The following MDH2 variants were observed in gnomAD, a reference collection of about 807,000 sequenced individuals.
MDH2 encodes the protein malate dehydrogenase, mitochondrial.
Under a neutral mutation model 33.6 loss-of-function variants are expected in MDH2, and 25 were observed. The ratio of observed to expected loss-of-function variants is 0.74; its 90% CI spans 0.54 to 1.04. MDH2 has a LOEUF of 1.04. Ranked by LOEUF, MDH2 falls within the 50% of genes least tolerant of loss-of-function variation. The pLI, the probability that MDH2 is intolerant of heterozygous loss-of-function variation, is 0.00. For missense variants in MDH2, 432 were observed against 445.0 expected (o/e 0.97, Z 0.26); for synonymous variants, 193 against 188.7 (o/e 1.02, Z -0.19).
intron 7 of MDH2, 81 bp downstream of exon 7, chr7:76,064,519 C>A: frequency 8.0e-7 from 1 of 1,245,788 alleles, no homozygotes; most frequent in Non-Finnish European, 1.1e-6. Context: ...GCTGCTTGTC[C>A]CTGGGCATGG....
intron 1 of MDH2, 83 bp downstream of exon 1, chr7:76,048,309 C>A (rs1797394508): frequency 6.8e-7 from 1 of 1,475,122 alleles, no homozygotes; most frequent in Non-Finnish European, 9.0e-7. Flanking sequence ...CAGCTCTGAC[C>A]CTCTCCAGGC....
At chr7:76,050,066 CTG>C (rs71879549) in intron 1 of MDH2, among the ~76,000 whole-genome samples, 4,582 of 152,120 alleles carry the variant, frequency 0.03, 225 homozygotes, top group African/African-American at 0.1. Flanking sequence ...GAGTCCCACT[CTG>C]TTGCCCAGGA....
chr7:76,054,188 A>G (rs1322368377), intron 1 of MDH2, among the ~76,000 whole-genome samples: 2 of 152,172 alleles, frequency 1.3e-5, no homozygotes, highest in Non-Finnish European at 2.9e-5. Flanking sequence ...CCGAGATGAC[A>G]GATCTGACTC....
intron 5 of MDH2, among the ~76,000 whole-genome samples, chr7:76,061,806 G>A (rs1162766412): frequency 2.0e-5 from 3 of 152,248 alleles, no homozygotes; most frequent in Admixed American, 6.5e-5. Flanking sequence ...GTTCATTCTC[G>A]TGGGCTCTCA....
In MDH2 at chr7:76,058,081, G is replaced by A; in HGVS notation, c.429+3G>A. The stretch of plus-strand genomic sequence containing the variant: ...TGATCTGCGTCATTGCCAATCCGGT[G>A]AGTGTGGCAGCACCCGGCTCTTGCA... On this transcript the variant is annotated splice_donor_region_variant and intron_variant, in intron 4 of 8. Coordinates refer to ENST00000315758, the MANE Select transcript of MDH2 (RefSeq NM_005918.4). 6.2e-7 allele frequency: 1 copy of A among 1,610,524 alleles called. No individual in the cohort carries two copies. The highest frequency in any genetic ancestry group is 8.5e-7 in the Non-Finnish European group (1 of 1,178,562).
chr7:76,063,191 CG>C lies in MDH2; in HGVS notation c.556-316del, dbSNP rs143960842. 4.4e-3 allele frequency among the ~76,000 whole-genome samples: 676 copies of C among 152,020 alleles called. 5 individuals carry two copies. Among genetic ancestry groups the C allele is most frequent in the Middle Eastern group, 0.017 (5 of 294 alleles). ...GCTCTGGGAAAGAGGATGCCAGGCC[CG>C]GGGGGGGCCTCCACAGGAGGCAGCA... On this transcript the variant is annotated intron_variant, in intron 5 of 8. Transcript: ENST00000315758.
intron 4 of MDH2, 97 bp from the exon 5 acceptor site, chr7:76,060,276 C>T: frequency 1.3e-6 from 2 of 1,511,770 alleles, no homozygotes; most frequent in Non-Finnish European, 8.9e-7. Context: ...ACTAGTTAGA[C>T]CTTTGGGAAG....
At chr7:76,062,499 C>T (rs1335738230) in intron 5 of MDH2, among the ~76,000 whole-genome samples, 1 of 152,242 alleles carries the variant, frequency 6.6e-6, no homozygotes, top group African/African-American at 2.4e-5. Context: ...GCTGATCCTC[C>T]CTCTCCCAGA....
At position 76,066,414 on chromosome 7, in the gene MDH2, G is replaced by T. The variant is rs200200341; in HGVS notation, c.*4G>T. The T allele has an allele frequency of 2.8e-4, 448 of 1,602,354 alleles. No homozygotes were observed. The highest frequency in any genetic ancestry group is 3.6e-4 in the Non-Finnish European group (419 of 1,174,798). On this transcript the variant is annotated 3_prime_UTR_variant, in exon 9 of 9. Transcript: ENST00000315758. The stretch of plus-strand genomic sequence containing the variant: ...TTTCGTGAAGACCCTGAAGTGAGCC[G>T]CTGTGACGGGTGGCCAGTTTCCTTA...
rs1261070918 is a variant in MDH2 at position 76,048,740 on chromosome 7, C to T, written c.66+514C>T. ...GCCAGAGGATTAGAATTCAGCGCTT[C>T]TGACCTGAAGACGGCTTCCTCTTAA... On this transcript the variant is annotated intron_variant, in intron 1 of 8. Coordinates refer to ENST00000315758, the MANE Select transcript of MDH2 (RefSeq NM_005918.4). 1.4e-5 allele frequency: 17 copies of T among 1,232,108 alleles called. No individual in the cohort carries two copies. The Admixed American group carries it at 3.8e-4, about 27-fold the overall frequency. 76.3% of individuals were successfully genotyped at this position (1,232,108 alleles called of 1,614,324 possible). A position where few individuals can be genotyped will look rare whatever the true frequency, so the allele number is the denominator to read the frequency against.
chr7:76,048,464 G>T, intron 1 of MDH2: 1 of 1,189,368 alleles, frequency 8.4e-7, no homozygotes, highest in Non-Finnish European at 1.1e-6. Flanking sequence ...ATTTGTCAGG[G>T]TTCCCCCAGG....
chr7:76,057,644 T>G, intron 3 of MDH2, 151 bp downstream of exon 3: 2 of 808,424 alleles, frequency 2.5e-6, no homozygotes, highest in Non-Finnish European at 3.9e-6. Flanking sequence ...GTCACATCTC[T>G]TTGTTGGCCT....
intron 2 of MDH2, among the ~76,000 whole-genome samples, chr7:76,055,951 C>T (rs1554586226): frequency 6.6e-6 from 1 of 151,716 alleles, no homozygotes; most frequent in Non-Finnish European, 1.5e-5. Flanking sequence ...CCTCAACCTC[C>T]CGAGTAGCTG....
intron 8 of MDH2, chr7:76,065,308 G>C (rs1350858837): frequency 3.3e-4 from 65 of 195,594 alleles, no homozygotes; most frequent in Non-Finnish European, 2.3e-4. Context: ...TCTGACTGCG[G>C]GGGGCGGCCA....
At chr7:76,051,647 C>A (rs145803349) in intron 1 of MDH2, among the ~76,000 whole-genome samples, 2,131 of 152,148 alleles carry the variant, frequency 0.014, 25 homozygotes, top group Non-Finnish European at 0.021. Flanking sequence ...ACAGTAAAAG[C>A]GTAGGAAGCA....
In MDH2 at chr7:76,066,305, C is replaced by G; in HGVS notation, c.912C>G (p.Gly304=). 2.5e-6 allele frequency: 4 copies of G among 1,610,400 alleles called. No individual in the cohort carries two copies. Among genetic ancestry groups the G allele is most frequent in the Non-Finnish European group, 2.5e-6 (3 of 1,178,468 alleles). ...LGKKGIEKNL[G]IGKVSSFEEK... ...AAAAGGGCATCGAGAAGAACCTGGG[C>G]ATCGGCAAAGTCTCCTCTTTTGAGG... The change falls in exon 9 of 9, where the codon GGC becomes GGG. Residue 304 remains glycine, a synonymous_variant. Coordinates refer to ENST00000315758, the MANE Select transcript of MDH2 (RefSeq NM_005918.4).
rs1423953327 is a variant in MDH2, at chr7:76,064,798, C to T, written c.734-4C>T. The T allele has an allele frequency of 1.2e-6, 2 of 1,613,138 alleles. No homozygotes were observed. Among genetic ancestry groups the T allele is most frequent in the Non-Finnish European group, 8.5e-7 (1 of 1,179,778 alleles). On this transcript the variant is annotated splice_region_variant and splice_polypyrimidine_tract_variant and intron_variant, in intron 7 of 8. Transcript: ENST00000315758. ...GCCAGGCTGACCTGTCTGTGCCCCC[C>T]TAGGCTCTGCCACCCTCTCCATGGC... is the stretch of plus-strand genomic sequence containing the variant.
intron 1 of MDH2, among the ~76,000 whole-genome samples, chr7:76,051,103 T>G (rs1797613386): frequency 6.6e-6 from 1 of 152,164 alleles, no homozygotes; most frequent in East Asian, 1.9e-4. Flanking sequence ...CAGGCTGGTC[T>G]CAAACTCCTG....
At chr7:76,064,221 T>C in intron 6 of MDH2, 118 bp from the exon 7 acceptor site, 1 of 664,524 alleles carries the variant, frequency 1.5e-6, no homozygotes, top group South Asian at 2.1e-5. Context: ...ATAGAAAACC[T>C]TTCCCATGCC....
Sources: allele counts gnomAD v4.1 joint callset (sites outside exome capture counted in the v4.1 genomes callset), GRCh38; gene constraint gnomAD v4.1.1; transcripts MANE v1.5; gene names NCBI Gene and HGNC (gene_info 2026-07-23, HGNC 2026-07-21).